The following CHIC2 variants were observed in gnomAD, a reference collection of about 807,000 sequenced individuals.
CHIC2 encodes the protein cysteine rich hydrophobic domain 2.
In CHIC2, 14 loss-of-function variants were observed where a neutral mutation model predicts 25.9. The ratio of observed to expected loss-of-function variants is 0.54; its 90% confidence interval spans 0.36 to 0.85. The LOEUF (loss-of-function observed/expected upper bound fraction) is 0.85, where lower values mean the gene tolerates loss of function less well. Ranked by LOEUF, CHIC2 falls within the 40% of genes least tolerant of loss-of-function variation. The pLI is 0.01. For missense variants in CHIC2, 146 were observed against 202.0 expected, an observed-to-expected ratio of 0.72 and a Z score of 1.68; for synonymous variants, 70 against 72.0, an observed-to-expected ratio of 0.97 and a Z score of 0.14.
At chr4:54,043,182 G>C (rs951047679) in intron 3 of CHIC2, among the ~76,000 whole-genome samples, 1 of 152,168 alleles carries the variant, frequency 6.6e-6, no homozygotes, top group Non-Finnish European at 1.5e-5. Flanking sequence ...AGCACTTTGG[G>C]AGGCCGAGGC....
chr4:54,074,597 AACACACACACAC>A, the CHIC2 span, among the ~76,000 whole-genome samples: 281 of 139,714 alleles, frequency 2.0e-3, 3 homozygotes, highest in Admixed American at 5.6e-4. Context: ...ACAACACACA[AACACACACACAC>A]ACACACACAC....
chr4:54,061,248 G>A (rs1717323505), intron 1 of CHIC2: 1 of 152,140 alleles, frequency 6.6e-6, no homozygotes, highest in East Asian at 1.9e-4. Context: ...AGAATGGAAG[G>A]TAACTTTCTT....
At chr4:54,023,720 C>T (rs928169357) in intron 3 of CHIC2, among the ~76,000 whole-genome samples, 1 of 152,186 alleles carries the variant, frequency 6.6e-6, no homozygotes, top group African/African-American at 2.4e-5. Context: ...ACCGCTCTGC[C>T]CCTCTCCACT....
chr4:54,086,842 G>A, the CHIC2 span: 2 of 518,600 alleles, frequency 3.9e-6, no homozygotes, highest in Non-Finnish European at 7.1e-6. Flanking sequence ...AGACCATCCT[G>A]CAAGATCTAT....
At chr4:54,028,423 A>G (rs576249691) in intron 3 of CHIC2, among the ~76,000 whole-genome samples, 44 of 152,222 alleles carry the variant, frequency 2.9e-4, no homozygotes, top group Non-Finnish European at 1.8e-4. Flanking sequence ...GAGATCTCAA[A>G]TAGGTTACTT....
chr4:54,074,314 C>T, the CHIC2 span, among the ~76,000 whole-genome samples: 99 of 152,238 alleles, frequency 6.5e-4, 5 homozygotes, highest in South Asian at 0.012. Flanking sequence ...CTTTTAAGAT[C>T]TGAGAGGCAC....
At chr4:54,043,992 G>T (rs1716681816) in intron 3 of CHIC2, among the ~76,000 whole-genome samples, 1 of 152,084 alleles carries the variant, frequency 6.6e-6, no homozygotes, top group African/African-American at 2.4e-5. Context: ...AAAAAAGGCA[G>T]GGGTTGCAAT....
At chr4:54,062,190 G>A (rs1485681881) in intron 1 of CHIC2, among the ~76,000 whole-genome samples, 2 of 152,258 alleles carry the variant, frequency 1.3e-5, no homozygotes, top group South Asian at 2.1e-4. Context: ...ATAAATGGGA[G>A]AAGAAGGAAG....
chr4:54,073,886 G>T, the CHIC2 span, among the ~76,000 whole-genome samples: 1 of 152,224 alleles, frequency 6.6e-6, no homozygotes, highest in African/African-American at 2.4e-5. Context: ...ACCGGGCGCA[G>T]TGGCTCATGT....
chr4:54,088,520 T>G, the CHIC2 span, among the ~76,000 whole-genome samples: 1 of 152,058 alleles, frequency 6.6e-6, no homozygotes, highest in East Asian at 1.9e-4. Context: ...CGTGTGAGCT[T>G]GTAGGGGAAG....
chr4:54,087,132 C>T, the CHIC2 span: 144 of 830,430 alleles, frequency 1.7e-4, no homozygotes, highest in East Asian at 3.2e-3. Flanking sequence ...GCTTCAGGAT[C>T]CGTGAGGAAG....
chr4:54,051,746 G>A (rs1717013413), intron 1 of CHIC2, among the ~76,000 whole-genome samples: 2 of 152,022 alleles, frequency 1.3e-5, no homozygotes, highest in Non-Finnish European at 2.9e-5. Context: ...CCTCGCTTCA[G>A]GCTCCTTAAA....
intron 1 of CHIC2, among the ~76,000 whole-genome samples, chr4:54,052,087 A>G (rs922938878): frequency 1.3e-5 from 2 of 151,966 alleles, no homozygotes; most frequent in Admixed American, 6.6e-5. Context: ...GCCACAGCAA[A>G]TATCTCCTTT....
the CHIC2 span, among the ~76,000 whole-genome samples, chr4:54,071,948 C>T: frequency 5.4e-3 from 825 of 152,150 alleles, 9 homozygotes; most frequent in African/African-American, 0.018. Context: ...TGTTGTTTCT[C>T]TTAGATTCTC....
the CHIC2 span, among the ~76,000 whole-genome samples, chr4:54,082,030 G>A: frequency 5.3e-5 from 8 of 152,184 alleles, no homozygotes; most frequent in Non-Finnish European, 7.4e-5. Context: ...TAGCCTGGTC[G>A]AAGCAAAAAG....
chr4:54,048,420 A>G (rs1716901289), intron 3 of CHIC2, among the ~76,000 whole-genome samples: 1 of 152,230 alleles, frequency 6.6e-6, no homozygotes, highest in South Asian at 2.1e-4. Context: ...CCATAATCTT[A>G]CCAACAAGAA....
chr4:54,082,701 GGT>G, the CHIC2 span, among the ~76,000 whole-genome samples: 11 of 152,200 alleles, frequency 7.2e-5, no homozygotes, highest in South Asian at 2.3e-3. Flanking sequence ...TGGTTTCCCA[GGT>G]GTATTCCAGT....
intron 3 of CHIC2, among the ~76,000 whole-genome samples, chr4:54,028,479 C>A (rs1716126268): frequency 6.6e-6 from 1 of 152,154 alleles, no homozygotes; most frequent in Non-Finnish European, 1.5e-5. Flanking sequence ...ATCTGAATAT[C>A]TGATTTGTAA....
intron 3 of CHIC2, among the ~76,000 whole-genome samples, chr4:54,019,545 A>C (rs938639575): frequency 6.6e-6 from 1 of 152,188 alleles, no homozygotes; most frequent in African/African-American, 2.4e-5. Flanking sequence ...TAGTGAGAGA[A>C]TATTAACTTG....
Sources: allele counts gnomAD v4.1 joint callset (sites outside exome capture counted in the v4.1 genomes callset), GRCh38; gene constraint gnomAD v4.1.1; transcripts MANE v1.5; gene names NCBI Gene and HGNC (gene_info 2026-07-23, HGNC 2026-07-21).